Variants in FOXP1 observed in about 807,000 individuals in gnomAD.
FOXP1 encodes the protein forkhead box protein P1.
Under a neutral mutation model 98.2 loss-of-function variants are expected in FOXP1, and 15 were observed. The ratio of observed to expected loss-of-function variants is 0.15; its 90% CI spans 0.10 to 0.24. FOXP1 has a LOEUF of 0.24. FOXP1 is among the 10% of genes least tolerant of loss of function. FOXP1 has a pLI of 1.00. For synonymous variants in FOXP1, 371 were observed against 314.5 expected, an observed-to-expected ratio of 1.18 and a Z score of -1.90; for missense variants, 633 against 848.5, an observed-to-expected ratio of 0.75 and a Z score of 3.15.
chr3:71,339,103 CTT>C (rs945909640), intron 4 of FOXP1, among the ~76,000 whole-genome samples: 1 of 152,240 alleles, frequency 6.6e-6, no homozygotes, highest in African/African-American at 2.4e-5. Flanking sequence ...CTTCAGCTCT[CTT>C]TTACATTTTA....
intron 3 of FOXP1, among the ~76,000 whole-genome samples, chr3:71,455,946 A>C (rs1245579224): frequency 6.6e-6 from 1 of 152,194 alleles, no homozygotes; most frequent in East Asian, 1.9e-4. Flanking sequence ...TTGTGCAATT[A>C]AGTTATTAAA....
intron 4 of FOXP1, among the ~76,000 whole-genome samples, chr3:71,323,857 G>C (rs1237220307): frequency 6.6e-6 from 1 of 152,024 alleles, no homozygotes; most frequent in East Asian, 1.9e-4. Flanking sequence ...TAACTGCCTT[G>C]CTTCACCAGC....
chr3:71,258,034 A>G (rs1439620264), intron 5 of FOXP1, among the ~76,000 whole-genome samples: 2 of 152,196 alleles, frequency 1.3e-5, no homozygotes, highest in African/African-American at 2.4e-5. Flanking sequence ...TGCGCTTAAT[A>G]ACATCCACGG....
chr3:71,116,019 AG>A (rs1363490622), intron 6 of FOXP1, among the ~76,000 whole-genome samples: 1 of 152,212 alleles, frequency 6.6e-6, no homozygotes, highest in Non-Finnish European at 1.5e-5. Flanking sequence ...TATAGGCGTG[AG>A]CCACCGTGTC....
intron 7 of FOXP1, among the ~76,000 whole-genome samples, chr3:71,057,748 A>T (rs527545345): frequency 6.6e-6 from 1 of 152,164 alleles, no homozygotes; most frequent in Non-Finnish European, 1.5e-5. Flanking sequence ...AACACACGGC[A>T]TGATACACTG....
At chr3:71,452,367 T>C (rs1387398892) in intron 3 of FOXP1, among the ~76,000 whole-genome samples, 1 of 152,204 alleles carries the variant, frequency 6.6e-6, no homozygotes, top group African/African-American at 2.4e-5. Flanking sequence ...GTTGCAGCTA[T>C]GTTTATAGGT....
chr3:71,172,079 C>A (rs751052326), intron 6 of FOXP1, among the ~76,000 whole-genome samples: 1 of 152,162 alleles, frequency 6.6e-6, no homozygotes, highest in Non-Finnish European at 1.5e-5. Flanking sequence ...ATCCTTCCTG[C>A]CAAATCTCAT....
intron 6 of FOXP1, among the ~76,000 whole-genome samples, chr3:71,125,787 T>G (rs1420201832): frequency 6.6e-6 from 1 of 152,180 alleles, no homozygotes; most frequent in Non-Finnish European, 1.5e-5. Context: ...AAATAGAAGT[T>G]TGCTTTGAAA....
At chr3:71,344,717 T>C (rs1261996077) in intron 4 of FOXP1, among the ~76,000 whole-genome samples, 2 of 152,080 alleles carry the variant, frequency 1.3e-5, no homozygotes, top group African/African-American at 2.4e-5. Flanking sequence ...CATGCACCTG[T>C]AGTCCAGCTA....
intron 2 of FOXP1, among the ~76,000 whole-genome samples, chr3:71,515,510 A>C (rs1321082575): frequency 6.7e-6 from 1 of 150,088 alleles, no homozygotes; most frequent in Non-Finnish European, 1.5e-5. Context: ...CTTGCAGGGT[A>C]ACAGTCATTT....
intron 2 of FOXP1, among the ~76,000 whole-genome samples, chr3:71,556,553 G>A (rs1213927012): frequency 7.6e-5 from 11 of 144,284 alleles, no homozygotes; most frequent in African/African-American, 2.1e-4. Context: ...CTCCAGGCTG[G>A]GCGACAGAGC....
intron 3 of FOXP1, among the ~76,000 whole-genome samples, chr3:71,362,361 C>T (rs558035375): frequency 6.6e-6 from 1 of 152,052 alleles, no homozygotes; most frequent in South Asian, 2.1e-4. Flanking sequence ...TTAGTAGAGG[C>T]GGGGTTTTGC....
At chr3:71,114,690 C>T (rs938943420) in intron 6 of FOXP1, among the ~76,000 whole-genome samples, 1 of 152,170 alleles carries the variant, frequency 6.6e-6, no homozygotes, top group African/African-American at 2.4e-5. Context: ...CAGGCTAGTT[C>T]ATCTGTGAAG....
chr3:71,181,320 G>A (rs2062277756), intron 6 of FOXP1, among the ~76,000 whole-genome samples: 1 of 152,196 alleles, frequency 6.6e-6, no homozygotes, highest in South Asian at 2.1e-4. Context: ...TCTAAGAAAG[G>A]ACAATAATAA....
chr3:70,990,310 T>C (rs1485446895), intron 13 of FOXP1, among the ~76,000 whole-genome samples: 2 of 152,154 alleles, frequency 1.3e-5, no homozygotes, highest in Admixed American at 6.5e-5. Flanking sequence ...CCAAATTCAG[T>C]TTTTCTTTTT....
At chr3:71,022,464 G>A (rs2045573876) in intron 11 of FOXP1, among the ~76,000 whole-genome samples, 1 of 152,160 alleles carries the variant, frequency 6.6e-6, no homozygotes, top group African/African-American at 2.4e-5. Context: ...CATAGCAGCT[G>A]AACTTTTTGA....
chr3:71,025,734 T>C (rs1576261561), intron 11 of FOXP1, among the ~76,000 whole-genome samples: 2 of 152,220 alleles, frequency 1.3e-5, no homozygotes, highest in East Asian at 3.8e-4. Flanking sequence ...ACAGATCTGT[T>C]GGGTGATATG....
At chr3:70,987,909 C>T in intron 14 of FOXP1, 85 bp downstream of exon 14, 1 of 1,265,902 alleles carries the variant, frequency 7.9e-7, no homozygotes, top group Non-Finnish European at 1.2e-6. Flanking sequence ...GTAGGCTGGT[C>T]CTCCTTCCTC....
chr3:71,277,601 T>C (rs1263559651), intron 5 of FOXP1, among the ~76,000 whole-genome samples: 1 of 152,144 alleles, frequency 6.6e-6, no homozygotes, highest in Non-Finnish European at 1.5e-5. Flanking sequence ...CTGCATATTA[T>C]ATTCCAGCCA....
Sources: allele counts gnomAD v4.1 joint callset (sites outside exome capture counted in the v4.1 genomes callset), GRCh38; gene constraint gnomAD v4.1.1; transcripts MANE v1.5; gene names NCBI Gene and HGNC (gene_info 2026-07-23, HGNC 2026-07-21).